BCHE: variants seen among roughly 807,000 people sequenced by gnomAD.
The protein encoded by BCHE is butyrylcholinesterase.
Under a neutral mutation model 51.3 loss-of-function variants are expected in BCHE, and 48 were observed. That is an observed-to-expected ratio of 0.94 (90% CI 0.74 to 1.19). The LOEUF (loss-of-function observed/expected upper bound fraction) is 1.19. BCHE is among the 50% of genes most tolerant of loss of function. BCHE has a pLI of 0.00. For missense variants in BCHE, 847 were observed against 708.2 expected (o/e 1.20, Z -2.23); for synonymous variants, 251 against 238.0 (o/e 1.05, Z -0.50).
At chr3:165,815,931 A>G (rs1057196460) in intron 2 of BCHE, among the ~76,000 whole-genome samples, 7 of 151,970 alleles carry the variant, frequency 4.6e-5, no homozygotes, top group African/African-American at 1.7e-4. Flanking sequence ...TCATGCAATT[A>G]GACTGTGACC....
In BCHE at chr3:165,830,341, T is replaced by C. The variant is rs751675958; in HGVS notation, c.693A>G (p.Ser231=). The change falls in exon 2 of 4, where the codon TCA becomes TCG. Residue 231 remains serine (S), a synonymous_variant. Transcript: ENST00000264381. The stretch of plus-strand genomic sequence containing the variant: ...CAGGAGAAAGCAAATGCAGGCTAAC[T>C]GAAGCTGCTCCTGCACTTTCTCCAA... ...TLFGESAGAA[S]VSLHLLSPGS... is the part of the protein sequence containing the mutation. 1.2e-6 allele frequency: 2 copies of C among 1,614,024 alleles called. No individual in the cohort carries two copies. The highest frequency in any genetic ancestry group is 3.3e-5 in the Admixed American group (2 of 59,978).
intron 2 of BCHE, among the ~76,000 whole-genome samples, chr3:165,803,465 A>G (rs1713746138): frequency 6.6e-6 from 1 of 152,210 alleles, no homozygotes; most frequent in Non-Finnish European, 1.5e-5. Flanking sequence ...ATTCTTACTG[A>G]GCCAAAACAA....
chr3:165,803,088 A>T lies in BCHE; in HGVS notation c.1518-16777T>A, dbSNP rs151053654. On this transcript the variant is annotated intron_variant, in intron 2 of 3. Coordinates refer to ENST00000264381, the MANE Select transcript of BCHE (RefSeq NM_000055.4). Reference sequence around the variant, plus strand: ...AGTACAGGAAAAGAGAAGAAAAGAGAAATAAGAACTGAGCTCTGGGAAGAT... The same window carrying T: ...AGTACAGGAAAAGAGAAGAAAAGAGTAATAAGAACTGAGCTCTGGGAAGAT... 5.5e-4 allele frequency among the ~76,000 whole-genome samples: 83 copies of T among 152,260 alleles called. 4 individuals are homozygous for T. In the East Asian group the frequency reaches 0.013, roughly 23 times the overall value.
chr3:165,786,800 T>TATTAATAA (rs1424825037), intron 2 of BCHE, among the ~76,000 whole-genome samples: 1 of 151,752 alleles, frequency 6.6e-6, no homozygotes, highest in African/African-American at 2.4e-5. Context: ...ATAATCTCAT[T>TATTAATAA]ACTCCAGGAA....
At chr3:165,810,104 A>G (rs775876359) in intron 2 of BCHE, among the ~76,000 whole-genome samples, 2 of 152,194 alleles carry the variant, frequency 1.3e-5, no homozygotes, top group Non-Finnish European at 2.9e-5. Context: ...CTTTAACATC[A>G]GTTACAGAGT....
intron 2 of BCHE, among the ~76,000 whole-genome samples, chr3:165,809,310 A>G (rs1453268438): frequency 2.6e-5 from 4 of 152,106 alleles, no homozygotes; most frequent in Non-Finnish European, 2.9e-5. Flanking sequence ...CCATAGCTAA[A>G]CCCAACTTCC....
chr3:165,774,232 G>A (rs531865040), intron 3 of BCHE, among the ~76,000 whole-genome samples: 11 of 152,156 alleles, frequency 7.2e-5, no homozygotes, highest in Admixed American at 2.0e-4. Context: ...TGTGTAACCC[G>A]CAAATACAAA....
rs1392334442 is a variant in BCHE, at chr3:165,819,846, C to A, written c.1517+9671G>T. ...TTATTTACTATGTTTTGTTACTTTG[C>A]AATATTTAAGCTATTATTTCTGACA... On this transcript the variant is annotated intron_variant, in intron 2 of 3. Coordinates refer to ENST00000264381, the MANE Select transcript of BCHE (RefSeq NM_000055.4). Among the ~76,000 whole-genome samples, 5 of 152,156 alleles carry A rather than the reference C, an allele frequency of 3.3e-5. No homozygotes were observed. The South Asian group carries it at 1.0e-3, about 32-fold the overall frequency.
chr3:165,776,360 A>C (rs954941242), intron 3 of BCHE, among the ~76,000 whole-genome samples: 4 of 152,008 alleles, frequency 2.6e-5, no homozygotes, highest in Non-Finnish European at 5.9e-5. Flanking sequence ...TCAGAGATAC[A>C]AAGAAAGAAT....
chr3:165,837,286 A>C (rs1394759685), intron 1 of BCHE, 28 bp downstream of exon 1: 3 of 1,246,480 alleles, frequency 2.4e-6, no homozygotes, highest in Non-Finnish European at 3.2e-6. Flanking sequence ...GGATCTCTAC[A>C]CGAAGGTGTA....
At position 165,800,116 on chromosome 3, in the gene BCHE, A is replaced by T. The variant is rs561105708; in HGVS notation, c.1518-13805T>A. 2.8e-4 allele frequency among the ~76,000 whole-genome samples: 43 copies of T among 151,954 alleles called. 1 individual carries two copies. Among genetic ancestry groups the T allele is most frequent in the African/African-American group, 8.2e-4 (34 of 41,490 alleles). On this transcript the variant is annotated intron_variant, in intron 2 of 3. Transcript: ENST00000264381. The stretch of plus-strand genomic sequence containing the variant: ...TTTTCTGGGTATTTTTTCCTCCAAA[A>T]TTTTTTTTCTGTTACTTGAATACTT...
At chr3:165,820,292 T>C (rs1310852945) in intron 2 of BCHE, among the ~76,000 whole-genome samples, 1 of 152,120 alleles carries the variant, frequency 6.6e-6, no homozygotes, top group Non-Finnish European at 1.5e-5. Flanking sequence ...TGATCTTATA[T>C]ACACTTTAAA....
intron 2 of BCHE, among the ~76,000 whole-genome samples, chr3:165,814,357 A>C (rs1426017825): frequency 3.3e-5 from 5 of 152,142 alleles, no homozygotes; most frequent in Non-Finnish European, 7.4e-5. Context: ...ATGAAAGAAA[A>C]ATCCAAAGCA....
At chr3:165,827,406 C>T (rs565246235) in intron 2 of BCHE, among the ~76,000 whole-genome samples, 12 of 150,772 alleles carry the variant, frequency 8.0e-5, no homozygotes, top group African/African-American at 2.7e-4. Context: ...TATTTATTTC[C>T]CATTATAAGG....
At chr3:165,802,921 T>C (rs2108215420) in intron 2 of BCHE, among the ~76,000 whole-genome samples, 1 of 152,222 alleles carries the variant, frequency 6.6e-6, no homozygotes. Context: ...TTTCGTATTT[T>C]TAGTAGAGCC....
chr3:165,815,872 C>A (rs1488886888), intron 2 of BCHE, among the ~76,000 whole-genome samples: 1 of 151,980 alleles, frequency 6.6e-6, no homozygotes, highest in Non-Finnish European at 1.5e-5. Flanking sequence ...TATTTTGTCA[C>A]TACTTATACC....
At chr3:165,784,096 T>C (rs1004896794) in intron 3 of BCHE, among the ~76,000 whole-genome samples, 4 of 152,034 alleles carry the variant, frequency 2.6e-5, no homozygotes, top group Admixed American at 2.6e-4. Flanking sequence ...GTAGTTATTC[T>C]TTGAAATTTT....
chr3:165,801,423 T>C (rs1298000643), intron 2 of BCHE, among the ~76,000 whole-genome samples: 3 of 152,222 alleles, frequency 2.0e-5, no homozygotes, highest in Non-Finnish European at 2.9e-5. Flanking sequence ...AAGCATCTTG[T>C]TTTATTAAAT....
chr3:165,825,132 AG>A (rs1714671990), intron 2 of BCHE, among the ~76,000 whole-genome samples: 1 of 152,122 alleles, frequency 6.6e-6, no homozygotes, highest in African/African-American at 2.4e-5. Context: ...GCATAAGAAT[AG>A]ACATGAGACC....
Sources: allele counts gnomAD v4.1 joint callset (sites outside exome capture counted in the v4.1 genomes callset), GRCh38; gene constraint gnomAD v4.1.1; transcripts MANE v1.5; gene names NCBI Gene and HGNC (gene_info 2026-07-23, HGNC 2026-07-21).